NCOR2: variants seen among roughly 807,000 people sequenced by gnomAD.
The protein encoded by NCOR2 is nuclear receptor corepressor 2.
In NCOR2, 81 loss-of-function variants were observed where a neutral mutation model predicts 262.9. The ratio of observed to expected loss-of-function variants is 0.31; its 90% confidence interval spans 0.26 to 0.37. The LOEUF is 0.37. Among genes scored for constraint, NCOR2 ranks in the 10% least tolerant of loss-of-function variants. The pLI is 1.00. For missense variants in NCOR2, 3,385 were observed against 3,621.4 expected (o/e 0.93, Z 1.68); for synonymous variants, 1,659 against 1,559.3 (o/e 1.06, Z -1.51).
At chr12:124,493,490 C>T (rs746935770) in intron 1 of NCOR2, among the ~76,000 whole-genome samples, 2 of 152,218 alleles carry the variant, frequency 1.3e-5, no homozygotes, top group African/African-American at 2.4e-5. Context: ...TCAGTACCCC[C>T]ACTTTATGGG....
At chr12:124,474,396 T>C (rs2046988830) in intron 3 of NCOR2, among the ~76,000 whole-genome samples, 1 of 138,372 alleles carries the variant, frequency 7.2e-6, no homozygotes, top group Admixed American at 7.5e-5. Context: ...TCACTGAGAG[T>C]CACTCTTTGT....
rs918810253 is a variant in NCOR2 at position 124,517,933 on chromosome 12, G to A, written c.-118+17632C>T. Among the ~76,000 whole-genome samples, 5 of 152,128 alleles carry A rather than the reference G, an allele frequency of 3.3e-5. No homozygotes were observed. Among genetic ancestry groups the A allele is most frequent in the Admixed American group, 1.3e-4 (2 of 15,282 alleles). On this transcript the variant is annotated intron_variant, in intron 1 of 46. Transcript: ENST00000404621. The surrounding 1 kb of genome is among the most constrained non-coding windows in gnomAD (Gnocchi z 7.6). ...TGCCCCCATTGGCTGACCTGCGGCCGGCCACTCAGCCCCCAGCCCTGGCCA... is the reference window on the plus strand; with the variant it reads ...TGCCCCCATTGGCTGACCTGCGGCCAGCCACTCAGCCCCCAGCCCTGGCCA...
At chr12:124,421,651 G>C (rs1437675405) in intron 12 of NCOR2, among the ~76,000 whole-genome samples, 2 of 152,256 alleles carry the variant, frequency 1.3e-5, no homozygotes, top group Non-Finnish European at 1.5e-5. Flanking sequence ...CCACCAAGCT[G>C]GGGTGGGCAG....
At chr12:124,365,663 G>A (rs1369003270) in intron 20 of NCOR2, among the ~76,000 whole-genome samples, 1 of 152,248 alleles carries the variant, frequency 6.6e-6, no homozygotes, top group East Asian at 1.9e-4. Flanking sequence ...GCCAGACGAG[G>A]AAGGTCACCC....
chr12:124,333,647 C>T (rs949360819), intron 41 of NCOR2, among the ~76,000 whole-genome samples: 7 of 117,818 alleles, frequency 5.9e-5, no homozygotes, highest in South Asian at 5.1e-4. Flanking sequence ...TGTCTGTCCT[C>T]GCACACACAT....
upstream of NCOR2, among the ~76,000 whole-genome samples, chr12:124,499,810 T>C (rs2136937432): frequency 6.6e-6 from 1 of 152,074 alleles, no homozygotes; most frequent in South Asian, 2.1e-4. Flanking sequence ...AAAGGGTCAG[T>C]GTTTTACGAG....
At chr12:124,542,609 C>T (rs1454531487) in intron 1 of NCOR2, 1 of 152,552 alleles carries the variant, frequency 6.6e-6, no homozygotes, top group African/African-American at 2.4e-5. Context: ...CGCAGACCCA[C>T]AGATCAGACC....
chr12:124,405,363 G>A (rs539493594), intron 13 of NCOR2, among the ~76,000 whole-genome samples: 11 of 152,322 alleles, frequency 7.2e-5, no homozygotes, highest in South Asian at 6.2e-4. Flanking sequence ...CAGGGCAGGG[G>A]TGCCTTCCAC....
intron 13 of NCOR2, among the ~76,000 whole-genome samples, chr12:124,415,685 T>C (rs376358086): frequency 2.6e-5 from 4 of 152,328 alleles, no homozygotes; most frequent in African/African-American, 9.6e-5. Context: ...AGCCCCTGCC[T>C]GGAACGGCAG....
At chr12:124,499,481 G>C (rs2048569671), upstream of NCOR2, among the ~76,000 whole-genome samples, 1 of 151,682 alleles carries the variant, frequency 6.6e-6, no homozygotes, top group African/African-American at 2.4e-5. Flanking sequence ...CGAGGAAGAA[G>C]AACTTCCAGA....
chr12:124,357,587 C>T (rs533149672), intron 22 of NCOR2, among the ~76,000 whole-genome samples: 1 of 152,256 alleles, frequency 6.6e-6, no homozygotes, highest in Non-Finnish European at 1.5e-5. Context: ...TGAGCCCCCA[C>T]GCCTGGCCCC....
intron 1 of NCOR2, among the ~76,000 whole-genome samples, chr12:124,494,802 GGCA>G (rs2048294443): frequency 6.6e-6 from 1 of 152,166 alleles, no homozygotes; most frequent in Non-Finnish European, 1.5e-5. Flanking sequence ...CCAATACTGC[GGCA>G]GCGGGGGAGC....
At chr12:124,341,983 C>G (rs781357621) in exon 34 of NCOR2, 4 of 1,613,402 alleles carry the variant, frequency 2.5e-6, no homozygotes, top group Non-Finnish European at 3.4e-6. Context: ...CCAGCGCCGC[C>G]GTGTCGGGGT....
intron 5 of NCOR2, among the ~76,000 whole-genome samples, chr12:124,460,140 T>C (rs947891599): frequency 2.0e-5 from 3 of 152,194 alleles, no homozygotes; most frequent in African/African-American, 7.2e-5. Flanking sequence ...TGCGTCCCAC[T>C]GTTTATCTTA....
At chr12:124,453,003 G>A (rs1001027631) in intron 6 of NCOR2, among the ~76,000 whole-genome samples, 2 of 152,142 alleles carry the variant, frequency 1.3e-5, no homozygotes, top group East Asian at 3.9e-4. Context: ...GCCCAGAGCT[G>A]CCTGGAATGC....
At position 124,566,054 on chromosome 12, in the gene NCOR2, C is replaced by T. The variant is rs2052226893; in HGVS notation, c.-165+1254G>A. 6.6e-6 allele frequency among the ~76,000 whole-genome samples: 1 copy of T among 152,218 alleles called. No homozygotes were observed. The highest frequency in any genetic ancestry group is 2.1e-4 in the South Asian group (1 of 4,824). Reference sequence around the variant, plus strand: ...CTGAAAAGGGGCAAAGTCAAGGCCACCGGTAACACATCCCAACGCGCCCAG... The same window carrying T: ...CTGAAAAGGGGCAAAGTCAAGGCCATCGGTAACACATCCCAACGCGCCCAG... On this transcript the variant is annotated intron_variant, in intron 1 of 32. Transcript: ENST00000458234. The surrounding 1 kb of genome is among the most constrained non-coding windows in gnomAD (Gnocchi z 4.3).
At chr12:124,385,991 C>G (rs2040773846) in intron 16 of NCOR2, 104 bp from the exon 19 acceptor site, 2 of 1,371,238 alleles carry the variant, frequency 1.5e-6, no homozygotes, top group African/African-American at 2.9e-5. Flanking sequence ...AGAAACCCAG[C>G]CTGGGGCTCC....
intron 1 of NCOR2, among the ~76,000 whole-genome samples, chr12:124,489,431 G>A (rs898030062): frequency 6.6e-5 from 10 of 152,278 alleles, no homozygotes; most frequent in African/African-American, 2.4e-4. Context: ...GCTTGTCCAC[G>A]TCACACAGCA....
chr12:124,335,222 C>T, exon 40 of NCOR2: 1 of 1,610,444 alleles, frequency 6.2e-7, no homozygotes, highest in Non-Finnish European at 8.5e-7. Context: ...AGGGCTGGCT[C>T]TCAGGCAGCG....
Sources: allele counts gnomAD v4.1 joint callset (sites outside exome capture counted in the v4.1 genomes callset), GRCh38; gene constraint gnomAD v4.1.1; non-coding constraint Gnocchi (gnomAD v3.1); transcripts MANE v1.5; gene names NCBI Gene and HGNC (gene_info 2026-07-23, HGNC 2026-07-21).